Variants in RALYL observed in about 807,000 individuals in gnomAD.
RALYL encodes the protein RNA-binding Raly-like protein.
Under a neutral mutation model 35.1 loss-of-function variants are expected in RALYL, and 29 were observed. The ratio of observed to expected loss-of-function variants is 0.83; its 90% CI spans 0.61 to 1.13. The LOEUF (loss-of-function observed/expected upper bound fraction) is 1.13. Among genes scored for constraint, RALYL ranks in the 50% most tolerant of loss-of-function variants. The probability of loss-of-function intolerance (pLI) is 0.00; values close to 1 mark genes in which losing one functional copy is unlikely to be tolerated. For synonymous variants in RALYL, 120 were observed against 127.6 expected, an observed-to-expected ratio of 0.94 and a Z score of 0.40; for missense variants, 359 against 360.4, an observed-to-expected ratio of 1.00 and a Z score of 0.03.
intron 5 of RALYL, among the ~76,000 whole-genome samples, chr8:84,851,430 CTG>C (rs1190992568): frequency 6.6e-6 from 1 of 151,982 alleles, no homozygotes; most frequent in Non-Finnish European, 1.5e-5. Context: ...ATATCAGTAA[CTG>C]AAATTTATGC....
chr8:84,807,247 C>T (rs1487043968), intron 4 of RALYL, among the ~76,000 whole-genome samples: 1 of 152,164 alleles, frequency 6.6e-6, no homozygotes, highest in Non-Finnish European at 1.5e-5. Flanking sequence ...TCCCACTTAT[C>T]AGTGAACACA....
intron 1 of RALYL, among the ~76,000 whole-genome samples, chr8:84,191,485 C>G (rs1322772291): frequency 2.0e-5 from 3 of 152,056 alleles, no homozygotes; most frequent in Admixed American, 1.3e-4. Flanking sequence ...AATATCATTC[C>G]CCATTCAAGA....
chr8:84,589,628 T>G (rs562197483), intron 2 of RALYL, among the ~76,000 whole-genome samples: 1 of 152,342 alleles, frequency 6.6e-6, no homozygotes, highest in East Asian at 1.9e-4. Flanking sequence ...AATATTATAC[T>G]TTATTATCTT....
chr8:84,322,896 CT>C (rs759551138), intron 1 of RALYL, among the ~76,000 whole-genome samples: 1 of 152,040 alleles, frequency 6.6e-6, no homozygotes, highest in Non-Finnish European at 1.5e-5. Context: ...ACGTTGATCA[CT>C]TCATATTATT....
At chr8:84,654,021 G>A (rs1368076481) in intron 2 of RALYL, among the ~76,000 whole-genome samples, 2 of 150,220 alleles carry the variant, frequency 1.3e-5, no homozygotes, top group Admixed American at 6.7e-5. Context: ...TTTGGTGGTG[G>A]TGGTGGTTTG....
At chr8:84,878,374 G>A (rs1841572250) in intron 7 of RALYL, among the ~76,000 whole-genome samples, 1 of 152,090 alleles carries the variant, frequency 6.6e-6, no homozygotes, top group Non-Finnish European at 1.5e-5. Context: ...AGCCCAAGAG[G>A]AAAGACTTAA....
At chr8:84,457,302 T>C (rs1328714787) in intron 1 of RALYL, among the ~76,000 whole-genome samples, 1 of 152,022 alleles carries the variant, frequency 6.6e-6, no homozygotes, top group Non-Finnish European at 1.5e-5. Flanking sequence ...CTTCTAAACC[T>C]AGCTCTGGAT....
chr8:84,756,176 CA>C (rs1021906738), intron 2 of RALYL, among the ~76,000 whole-genome samples: 94 of 151,996 alleles, frequency 6.2e-4, no homozygotes, highest in Admixed American at 5.3e-3. Flanking sequence ...CCAAAAAAAC[CA>C]ATAAGATTAT....
At chr8:84,674,236 C>T (rs897554044) in intron 2 of RALYL, among the ~76,000 whole-genome samples, 2 of 152,114 alleles carry the variant, frequency 1.3e-5, no homozygotes, top group African/African-American at 4.8e-5. Flanking sequence ...TATCCTGAGA[C>T]TTTGCTGAAG....
intron 2 of RALYL, among the ~76,000 whole-genome samples, chr8:84,547,299 A>G (rs1374015239): frequency 1.3e-5 from 2 of 152,070 alleles, no homozygotes; most frequent in African/African-American, 4.8e-5. Flanking sequence ...TTGATATGCT[A>G]TATTTTTCTA....
intron 1 of RALYL, among the ~76,000 whole-genome samples, chr8:84,224,955 A>G (rs1053715073): frequency 1.3e-5 from 2 of 152,086 alleles, no homozygotes; most frequent in African/African-American, 2.4e-5. Context: ...GCACCCGGCC[A>G]CTTCATTAAT....
intron 5 of RALYL, among the ~76,000 whole-genome samples, chr8:84,860,858 T>G (rs1837964112): frequency 6.6e-6 from 1 of 152,222 alleles, no homozygotes; most frequent in Admixed American, 6.5e-5. Flanking sequence ...TAAGGAATTT[T>G]GCTTTAAATT....
intron 2 of RALYL, among the ~76,000 whole-genome samples, chr8:84,656,187 T>A (rs1183217736): frequency 6.6e-6 from 1 of 152,192 alleles, no homozygotes; most frequent in African/African-American, 2.4e-5. Flanking sequence ...GTTTTTACCC[T>A]GATTGAGGGC....
At chr8:84,560,901 G>A (rs2061431553) in intron 2 of RALYL, among the ~76,000 whole-genome samples, 1 of 151,924 alleles carries the variant, frequency 6.6e-6, no homozygotes, top group Admixed American at 6.6e-5. Flanking sequence ...CTGGTTCTCT[G>A]TAATTATCAA....
chr8:84,478,825 G>C (rs761118955), intron 1 of RALYL, among the ~76,000 whole-genome samples: 8 of 151,348 alleles, frequency 5.3e-5, no homozygotes, highest in Non-Finnish European at 1.0e-4. Context: ...AGTGGCTCAC[G>C]CCTGTAATCC....
intron 1 of RALYL, among the ~76,000 whole-genome samples, chr8:84,432,041 T>C (rs1215266161): frequency 6.6e-6 from 1 of 152,154 alleles, no homozygotes; most frequent in African/African-American, 2.4e-5. Context: ...AAAATGTAAA[T>C]ATGGGACTAC....
intron 1 of RALYL, among the ~76,000 whole-genome samples, chr8:84,468,158 T>C (rs977556363): frequency 6.6e-6 from 1 of 152,182 alleles, no homozygotes; most frequent in East Asian, 1.9e-4. Context: ...AAGTTAATAT[T>C]GTTATGTGTG....
At chr8:84,708,743 C>G (rs922687654) in intron 2 of RALYL, among the ~76,000 whole-genome samples, 1 of 152,030 alleles carries the variant, frequency 6.6e-6, no homozygotes, top group Non-Finnish European at 1.5e-5. Context: ...ACAAGGAAAA[C>G]CTGTAACCTC....
At chr8:84,742,601 G>T (rs1460136784) in intron 2 of RALYL, among the ~76,000 whole-genome samples, 2 of 151,980 alleles carry the variant, frequency 1.3e-5, no homozygotes, top group Non-Finnish European at 2.9e-5. Flanking sequence ...TCCAGAAGGA[G>T]TAAGCAAGAA....
Sources: allele counts gnomAD v4.1 joint callset (sites outside exome capture counted in the v4.1 genomes callset), GRCh38; gene constraint gnomAD v4.1.1; transcripts MANE v1.5; gene names NCBI Gene and HGNC (gene_info 2026-07-23, HGNC 2026-07-21).